The following ADAMTS3 variants were observed in gnomAD, a reference collection of about 807,000 sequenced individuals.
ADAMTS3 encodes ADAM metallopeptidase with thrombospondin type 1 motif 3.
A neutral mutation model predicts 129.0 loss-of-function variants in ADAMTS3; 73 were observed. The ratio of observed to expected loss-of-function variants is 0.57; its 90% CI spans 0.47 to 0.69. The LOEUF is 0.69. Ranked by LOEUF, ADAMTS3 falls within the 30% of genes least tolerant of loss-of-function variation. The pLI is 0.00. For synonymous variants in ADAMTS3, 477 were observed against 510.8 expected (o/e 0.93, Z 0.89); for missense variants, 1,457 against 1,514.5 (o/e 0.96, Z 0.63).
chr4:72,499,747 A>G (rs1253893784), intron 3 of ADAMTS3, among the ~76,000 whole-genome samples: 4 of 152,074 alleles, frequency 2.6e-5, no homozygotes, highest in Admixed American at 6.6e-5. Flanking sequence ...CACAATGCCC[A>G]ATAGTTTTTC....
At chr4:72,336,606 T>C (rs190613883) in intron 5 of ADAMTS3, among the ~76,000 whole-genome samples, 2 of 152,308 alleles carry the variant, frequency 1.3e-5, no homozygotes, top group Admixed American at 1.3e-4. Context: ...ACTTAAGTCT[T>C]CTGTCTGTCT....
chr4:72,345,177 C>A (rs1720247048), intron 4 of ADAMTS3, among the ~76,000 whole-genome samples: 1 of 152,032 alleles, frequency 6.6e-6, no homozygotes, highest in South Asian at 2.1e-4. Context: ...ACAATGAATA[C>A]AGAATGAGGC....
chr4:72,537,684 A>G (rs929447533), intron 3 of ADAMTS3, among the ~76,000 whole-genome samples: 1 of 152,206 alleles, frequency 6.6e-6, no homozygotes, highest in Non-Finnish European at 1.5e-5. Flanking sequence ...CCAGAGATAC[A>G]ACACTATTAG....
intron 3 of ADAMTS3, among the ~76,000 whole-genome samples, chr4:72,424,921 G>A (rs896604055): frequency 6.6e-6 from 1 of 151,954 alleles, no homozygotes; most frequent in Non-Finnish European, 1.5e-5. Context: ...TCTTCTTGCT[G>A]ACTTATTATA....
At chr4:72,296,919 G>C (rs55969656) in intron 18 of ADAMTS3, among the ~76,000 whole-genome samples, 61,101 of 151,766 alleles carry the variant, frequency 0.4, 15,935 homozygotes, top group East Asian at 0.75. Context: ...GCATTTACTA[G>C]TTTTGAAATT....
At chr4:72,368,084 CAT>C (rs1056915826) in intron 4 of ADAMTS3, among the ~76,000 whole-genome samples, 4 of 152,254 alleles carry the variant, frequency 2.6e-5, no homozygotes, top group African/African-American at 9.6e-5. Context: ...TACGCTAAAA[CAT>C]GTTCTCATAT....
At chr4:72,447,835 A>AC (rs1201580875) in intron 3 of ADAMTS3, among the ~76,000 whole-genome samples, 1 of 151,724 alleles carries the variant, frequency 6.6e-6, no homozygotes, top group Admixed American at 6.6e-5. Flanking sequence ...ATAGAAAGCC[A>AC]CCCCATGTGG....
intron 8 of ADAMTS3, 96 bp from the exon 9 acceptor site, chr4:72,319,571 T>G (rs1344948028): frequency 1.4e-6 from 2 of 1,405,982 alleles, no homozygotes; most frequent in African/African-American, 2.9e-5. Flanking sequence ...AACGTATTTT[T>G]GAGTCAACGT....
intron 19 of ADAMTS3, among the ~76,000 whole-genome samples, chr4:72,291,699 C>T (rs1035106397): frequency 6.3e-4 from 95 of 151,632 alleles, no homozygotes; most frequent in Admixed American, 2.4e-3. Flanking sequence ...TGAATAGTGC[C>T]GCAATAAACA....
chr4:72,564,959 C>T lies in ADAMTS3; in HGVS notation c.97+2415G>A, dbSNP rs1005563230. Among the ~76,000 whole-genome samples, 86 of 152,136 alleles carry T rather than the reference C, an allele frequency of 5.7e-4. 1 individual carries two copies. Among genetic ancestry groups the T allele is most frequent in the East Asian group, 1.9e-4 (1 of 5,196 alleles). Reference sequence around the variant, plus strand: ...TCAGGAGAGCAGTCACCTTTCATAACGGGAGAATGCTTGGCAGTTGGCATG... The same window carrying T: ...TCAGGAGAGCAGTCACCTTTCATAATGGGAGAATGCTTGGCAGTTGGCATG... On this transcript the variant is annotated intron_variant, in intron 2 of 21. Transcript: ENST00000286657.
At chr4:72,396,363 A>G (rs960254601) in intron 4 of ADAMTS3, among the ~76,000 whole-genome samples, 1 of 152,218 alleles carries the variant, frequency 6.6e-6, no homozygotes, top group Non-Finnish European at 1.5e-5. Flanking sequence ...AATTAAAAAC[A>G]TGAAGTAACA....
chr4:72,515,017 A>C (rs1157197174), intron 3 of ADAMTS3, among the ~76,000 whole-genome samples: 1 of 151,914 alleles, frequency 6.6e-6, no homozygotes, highest in Non-Finnish European at 1.5e-5. Context: ...CCCAGAGTGT[A>C]ATATTCCCCT....
chr4:72,313,880 G>A lies in ADAMTS3; in HGVS notation c.1600-58C>T, dbSNP rs983897633. 2.1e-5 allele frequency: 33 copies of A among 1,593,324 alleles called. No individual in the cohort carries two copies. In the Admixed American group the frequency reaches 5.4e-4, roughly 26 times the overall value. ...TCACGCATACACTAAAGCTGAAGTT[G>A]TTATACAAGAACCATCTAGTTGAAG... On this transcript the variant is annotated intron_variant, in intron 11 of 21. Coordinates refer to ENST00000286657, the MANE Select transcript of ADAMTS3 (RefSeq NM_014243.3).
intron 3 of ADAMTS3, among the ~76,000 whole-genome samples, chr4:72,530,080 ATT>A (rs57902739): frequency 0.28 from 1,589 of 5,610 alleles, 671 homozygotes; most frequent in Middle Eastern, 1. Context: ...AACATATTAT[ATT>A]TATATATAAT....
At chr4:72,381,257 C>A (rs984149469) in intron 4 of ADAMTS3, among the ~76,000 whole-genome samples, 7 of 152,054 alleles carry the variant, frequency 4.6e-5, no homozygotes, top group African/African-American at 1.7e-4. Flanking sequence ...TACTTATAAA[C>A]AAATAACCTT....
intron 3 of ADAMTS3, among the ~76,000 whole-genome samples, chr4:72,459,439 A>G (rs888028594): frequency 6.6e-6 from 1 of 151,686 alleles, no homozygotes; most frequent in African/African-American, 2.4e-5. Context: ...CAAATTATCA[A>G]AACCAATGTA....
intron 2 of ADAMTS3, 121 bp downstream of exon 2, chr4:72,567,253 A>C: frequency 3.1e-6 from 3 of 967,546 alleles, no homozygotes; most frequent in Non-Finnish European, 4.7e-6. Context: ...ATGTTTCCGG[A>C]CTACAGATTA....
intron 4 of ADAMTS3, among the ~76,000 whole-genome samples, chr4:72,395,965 A>G (rs1193028754): frequency 6.6e-6 from 1 of 152,210 alleles, no homozygotes. Context: ...TTTGAAACAA[A>G]AAGTATTAGG....
At chr4:72,486,924 A>G (rs1224853261) in intron 3 of ADAMTS3, among the ~76,000 whole-genome samples, 3 of 152,166 alleles carry the variant, frequency 2.0e-5, no homozygotes, top group Admixed American at 1.3e-4. Context: ...ATAAATGCTC[A>G]GTTAACTGTA....
Sources: allele counts gnomAD v4.1 joint callset (sites outside exome capture counted in the v4.1 genomes callset), GRCh38; gene constraint gnomAD v4.1.1; transcripts MANE v1.5; gene names NCBI Gene and HGNC (gene_info 2026-07-23, HGNC 2026-07-21).